PKP4: variants seen among roughly 807,000 people sequenced by gnomAD.
The protein encoded by PKP4 is plakophilin-4.
PKP4 carries 90 observed loss-of-function variants against 145.1 expected under a neutral mutation model. That is an observed-to-expected ratio of 0.62 (90% CI 0.52 to 0.74). The LOEUF (loss-of-function observed/expected upper bound fraction) is 0.74. Among genes scored for constraint, PKP4 ranks in the 30% least tolerant of loss-of-function variants. PKP4 has a pLI of 0.00. For synonymous variants in PKP4, 563 were observed against 577.2 expected (o/e 0.98, Z 0.35); for missense variants, 1,340 against 1,482.7 (o/e 0.90, Z 1.58).
At chr2:158,496,788 G>GTGTGTGTC (rs1695795234) in intron 1 of PKP4, among the ~76,000 whole-genome samples, 1 of 150,504 alleles carries the variant, frequency 6.6e-6, no homozygotes, top group Non-Finnish European at 1.5e-5. Context: ...GTGTGTGTGT[G>GTGTGTGTC]TGTGTGTCTG....
intron 2 of PKP4, among the ~76,000 whole-genome samples, chr2:158,550,142 G>GATTCTATT (rs2045476512): frequency 2.0e-5 from 2 of 100,964 alleles, no homozygotes; most frequent in African/African-American, 2.7e-5. Flanking sequence ...CTGCCAAGAA[G>GATTCTATT]AAGTTAAACA....
intron 6 of PKP4, among the ~76,000 whole-genome samples, chr2:158,624,489 T>C (rs1260091769): frequency 1.3e-5 from 2 of 152,212 alleles, no homozygotes; most frequent in African/African-American, 2.4e-5. Context: ...TCATAGGGAA[T>C]GAAGTAAGTA....
intron 11 of PKP4, among the ~76,000 whole-genome samples, chr2:158,651,908 T>C (rs1372119613): frequency 6.6e-6 from 1 of 152,082 alleles, no homozygotes. Context: ...CTGTTGCTCT[T>C]CCTGCCCTTT....
At chr2:158,644,901 T>C (rs2054681111) in intron 11 of PKP4, among the ~76,000 whole-genome samples, 1 of 152,162 alleles carries the variant, frequency 6.6e-6, no homozygotes, top group Non-Finnish European at 1.5e-5. Flanking sequence ...TTTTCATGCT[T>C]GAGATATTTA....
chr2:158,512,047 T>C (rs1268041891), intron 1 of PKP4, among the ~76,000 whole-genome samples: 2 of 152,226 alleles, frequency 1.3e-5, no homozygotes, highest in African/African-American at 2.4e-5. Context: ...TTGAAGATAA[T>C]TCTATTACAT....
intron 1 of PKP4, among the ~76,000 whole-genome samples, chr2:158,503,253 C>T (rs1696852086): frequency 6.6e-6 from 1 of 152,208 alleles, no homozygotes; most frequent in South Asian, 2.1e-4. Context: ...AAAGGAATTC[C>T]AGTAATGCGT....
At chr2:158,661,211 C>T (rs2056546038) in intron 12 of PKP4, 122 bp from the exon 13 acceptor site, 1 of 668,470 alleles carries the variant, frequency 1.5e-6, no homozygotes, top group South Asian at 1.7e-5. Context: ...CCCCCAGTGC[C>T]TCCTCCGACC....
intron 6 of PKP4, among the ~76,000 whole-genome samples, chr2:158,622,594 C>T (rs564648623): frequency 2.0e-5 from 3 of 152,266 alleles, no homozygotes; most frequent in Admixed American, 6.5e-5. Context: ...CGGTTCCCAA[C>T]GCCCACAGAG....
rs146972319 is a variant in PKP4, at chr2:158,493,233, G to A, written c.-6+36015G>A. 4.6e-4 allele frequency among the ~76,000 whole-genome samples: 70 copies of A among 151,848 alleles called. No homozygotes were observed. In the East Asian group the frequency reaches 9.8e-3, roughly 21 times the overall value. ...CCTTATACCCCTTTGCTGTCTTCCC[G>A]TTTTCCTAATAATGACAGATCATAA... On this transcript the variant is annotated intron_variant, in intron 1 of 21. Coordinates refer to ENST00000389759, the MANE Select transcript of PKP4 (RefSeq NM_003628.6).
At chr2:158,566,829 A>AAC (rs754476802) in intron 2 of PKP4, among the ~76,000 whole-genome samples, 233 of 151,432 alleles carry the variant, frequency 1.5e-3, no homozygotes, top group Non-Finnish European at 2.0e-3. Context: ...TATATCTGCA[A>AAC]ACACACACAC....
intron 2 of PKP4, among the ~76,000 whole-genome samples, chr2:158,561,706 G>A (rs1437112234): frequency 6.6e-6 from 1 of 152,198 alleles, no homozygotes; most frequent in Non-Finnish European, 1.5e-5. Flanking sequence ...TGATTGTGGA[G>A]CGCAGGCACT....
chr2:158,521,070 T>G, intron 1 of PKP4, among the ~76,000 whole-genome samples: 1 of 152,228 alleles, frequency 6.6e-6, no homozygotes. Flanking sequence ...TCCAGATGCC[T>G]ATGTACAAGA....
chr2:158,577,809 C>A (rs182555920), intron 3 of PKP4, among the ~76,000 whole-genome samples: 1 of 152,050 alleles, frequency 6.6e-6, no homozygotes, highest in African/African-American at 2.4e-5. Context: ...TTCTAGAACT[C>A]TATGAATCTA....
chr2:158,541,020 G>A (rs546425110), intron 2 of PKP4, among the ~76,000 whole-genome samples: 4 of 152,096 alleles, frequency 2.6e-5, no homozygotes, highest in Non-Finnish European at 5.9e-5. Flanking sequence ...TTTGAAATGA[G>A]TGACTGCTGA....
rs17857372 is a variant in PKP4 at position 158,662,982 on chromosome 2, A to G, written c.2297A>G (p.Asn766Ser). Residue 766 changes from asparagine (N) to serine (S), a missense_variant, in exon 14 of 22, where the codon AAC becomes AGC. Transcript: ENST00000389759. The part of the protein sequence containing the change: ...EVPQARLLGL[N>S]ELDDLLGKES... The stretch of plus-strand genomic sequence containing the variant: ...CCCCAGGCCCGGTTACTGGGACTGA[A>G]CGAATTGGATGACTTACTAGGAAAA... 6.2e-7 allele frequency: 1 copy of G among 1,614,024 alleles called. No homozygotes were observed. Among genetic ancestry groups the G allele is most frequent in the Non-Finnish European group, 8.5e-7 (1 of 1,179,982 alleles).
Position 158,666,423 on chromosome 2 carries a change from A to G in PKP4, c.2588A>G (p.Tyr863Cys). The change falls in exon 16 of 22, where the codon TAT becomes TGT. Residue 863 changes from tyrosine (Y) to cysteine (C), a missense_variant. Tyr to Cys is a radical substitution (Grantham distance 194). Transcript: ENST00000389759. ...LSAGNWKFAA[Y>C]IRAAVRKEKG... ...TATTTTTCTCACTAGTTTGCAGCATATATCCGGGCGGCCGTCCGAAAAGAA... is the reference window on the plus strand; with the variant it reads ...TATTTTTCTCACTAGTTTGCAGCATGTATCCGGGCGGCCGTCCGAAAAGAA... The G allele has an allele frequency of 1.2e-6, 2 of 1,605,078 alleles. No individual in the cohort carries two copies. Among genetic ancestry groups the G allele is most frequent in the Non-Finnish European group, 1.7e-6 (2 of 1,177,060 alleles).
intron 1 of PKP4, among the ~76,000 whole-genome samples, chr2:158,488,809 C>T (rs1694534189): frequency 6.6e-6 from 1 of 152,054 alleles, no homozygotes; most frequent in African/African-American, 2.4e-5. Flanking sequence ...TGATAGTGTT[C>T]AGGAAAAAGA....
intron 11 of PKP4, among the ~76,000 whole-genome samples, chr2:158,656,002 A>G (rs545404438): frequency 6.6e-6 from 1 of 152,376 alleles, no homozygotes. Flanking sequence ...ACTGCCAAAA[A>G]AAGTGTTTCT....
chr2:158,578,988 G>A (rs1574589596), intron 3 of PKP4, among the ~76,000 whole-genome samples: 1 of 152,164 alleles, frequency 6.6e-6, no homozygotes, highest in African/African-American at 2.4e-5. Context: ...GCTAAAGAAT[G>A]AAGTTTTGTG....
Sources: allele counts gnomAD v4.1 joint callset (sites outside exome capture counted in the v4.1 genomes callset), GRCh38; gene constraint gnomAD v4.1.1; transcripts MANE v1.5; gene names NCBI Gene and HGNC (gene_info 2026-07-23, HGNC 2026-07-21).